Variants in GCNT2 observed in about 807,000 individuals in gnomAD.
GCNT2 encodes glucosaminyl (N-acetyl) transferase 2 (I blood group).
Under a neutral mutation model 34.2 loss-of-function variants are expected in GCNT2, and 34 were observed. That is an observed-to-expected ratio of 1.00 (90% CI 0.76 to 1.32). The LOEUF is 1.32. Ranked by LOEUF, GCNT2 falls within the 40% of genes most tolerant of loss-of-function variation. GCNT2 has a pLI of 0.00. For missense variants in GCNT2, 584 were observed against 489.4 expected (o/e 1.19, Z -1.82); for synonymous variants, 212 against 188.0 (o/e 1.13, Z -1.04).
chr6:10,586,341 T>C (rs753542288), intron 3 of GCNT2: 14 of 1,613,974 alleles, frequency 8.7e-6, no homozygotes, highest in Non-Finnish European at 1.0e-5. Flanking sequence ...TAGGGCTATC[T>C]ATATGCCCCA....
intron 3 of GCNT2, among the ~76,000 whole-genome samples, chr6:10,593,525 A>C (rs35742522): frequency 1.3e-5 from 2 of 151,944 alleles, no homozygotes; most frequent in Non-Finnish European, 1.5e-5. Flanking sequence ...TTGTGTAGAG[A>C]TGGGATCTCG....
chr6:10,586,478 CAT>C, intron 3 of GCNT2: 1 of 1,614,172 alleles, frequency 6.2e-7, no homozygotes, highest in South Asian at 1.1e-5. Flanking sequence ...TTTATGCAGG[CAT>C]TTCCAGACTC....
In GCNT2 at chr6:10,556,695, C is replaced by A. The variant is rs1762723207; in HGVS notation, c.925+26859C>A. On this transcript the variant is annotated intron_variant, in intron 3 of 4. Transcript: ENST00000495262. Reference sequence around the variant, plus strand: ...ACAGCCCCTTTATCTAAGGAAGAAGCTGACTTTCCCTTGGCATATATAATG... The same window carrying A: ...ACAGCCCCTTTATCTAAGGAAGAAGATGACTTTCCCTTGGCATATATAATG... 2.5e-6 allele frequency: 4 copies of A among 1,614,210 alleles called. No homozygotes were observed. The Admixed American group carries it at 6.7e-5, about 27-fold the overall frequency.
chr6:10,601,655 C>T (rs1301689219), intron 3 of GCNT2, among the ~76,000 whole-genome samples: 1 of 152,084 alleles, frequency 6.6e-6, no homozygotes, highest in Non-Finnish European at 1.5e-5. Context: ...AAAAGTAAAG[C>T]CCTTGGCCAG....
intron 3 of GCNT2, among the ~76,000 whole-genome samples, chr6:10,613,567 GT>G (rs1765643377): frequency 6.6e-6 from 1 of 152,160 alleles, no homozygotes; most frequent in Non-Finnish European, 1.5e-5. Context: ...TCCAATACTA[GT>G]TGTGTCCCAT....
chr6:10,608,470 T>C (rs1008470135), intron 3 of GCNT2, among the ~76,000 whole-genome samples: 19 of 152,220 alleles, frequency 1.2e-4, no homozygotes, highest in African/African-American at 4.3e-4. Context: ...GTTTGAGGGC[T>C]CCATTTCACT....
intron 3 of GCNT2, among the ~76,000 whole-genome samples, chr6:10,591,272 G>C (rs903419859): frequency 6.6e-6 from 1 of 152,210 alleles, no homozygotes; most frequent in Non-Finnish European, 1.5e-5. Context: ...ATGTGGAAGG[G>C]TCGGGAGGGG....
intron 3 of GCNT2, among the ~76,000 whole-genome samples, chr6:10,546,673 A>G (rs949650940): frequency 5.3e-5 from 8 of 152,144 alleles, no homozygotes; most frequent in African/African-American, 1.9e-4. Flanking sequence ...AAAAGAAAAG[A>G]AAATATTACT....
chr6:10,591,509 A>G (rs1022330033), intron 3 of GCNT2, among the ~76,000 whole-genome samples: 2 of 152,240 alleles, frequency 1.3e-5, no homozygotes, highest in African/African-American at 4.8e-5. Context: ...GTCTTTCCTT[A>G]GAAAATGTGG....
At chr6:10,580,721 A>G (rs1417587198) in intron 3 of GCNT2, among the ~76,000 whole-genome samples, 1 of 152,130 alleles carries the variant, frequency 6.6e-6, no homozygotes, top group Non-Finnish European at 1.5e-5. Flanking sequence ...CCCTCCCCTG[A>G]CCGGCATCTG....
At chr6:10,592,666 G>A (rs1170662257) in intron 3 of GCNT2, among the ~76,000 whole-genome samples, 1 of 152,136 alleles carries the variant, frequency 6.6e-6, no homozygotes, top group Admixed American at 6.6e-5. Flanking sequence ...TAACATTTCT[G>A]TTCGCCACCC....
At chr6:10,616,086 G>C (rs1394720819) in intron 3 of GCNT2, among the ~76,000 whole-genome samples, 2 of 151,830 alleles carry the variant, frequency 1.3e-5, no homozygotes, top group Non-Finnish European at 2.9e-5. Context: ...TCTGGAGTTT[G>C]TTCCCTCTAA....
intron 3 of GCNT2, among the ~76,000 whole-genome samples, chr6:10,611,857 A>T (rs1236884510): frequency 1.3e-5 from 2 of 152,260 alleles, no homozygotes; most frequent in Non-Finnish European, 1.5e-5. Flanking sequence ...GCAATACAAC[A>T]TTAAAGAAAG....
chr6:10,542,090 A>G (rs1762059198), intron 3 of GCNT2, among the ~76,000 whole-genome samples: 1 of 152,212 alleles, frequency 6.6e-6, no homozygotes, highest in Admixed American at 6.5e-5. Flanking sequence ...TTTCATACAA[A>G]TCCAGCAGTT....
intron 3 of GCNT2, among the ~76,000 whole-genome samples, chr6:10,535,118 A>C (rs1356700834): frequency 1.3e-5 from 2 of 152,168 alleles, no homozygotes; most frequent in African/African-American, 4.8e-5. Flanking sequence ...TGGGAGGCGG[A>C]GGTTGCAATG....
chr6:10,528,932 CTG>C lies in GCNT2; in HGVS notation c.23_24del (p.Cys8SerfsTer3). ...TGTGAATGATGGGCTCTTGGAAGCACTGTCTTTTTAGCGCGTCTCTTATCTCT... is the reference window on the plus strand; with the variant it reads ...TGTGAATGATGGGCTCTTGGAAGCACTCTTTTTAGCGCGTCTCTTATCTCT... MMGSWKH[C>X]LFSASLISAL... On this transcript the variant is annotated frameshift_variant, in exon 3 of 5. Transcript: ENST00000495262. LOFTEE classifies it high-confidence loss of function. 6.2e-7 allele frequency: 1 copy of C among 1,613,584 alleles called. No homozygotes were observed. Among genetic ancestry groups the C allele is most frequent in the Non-Finnish European group, 8.5e-7 (1 of 1,179,542 alleles).
At chr6:10,537,888 CTA>C (rs1414740838) in intron 3 of GCNT2, among the ~76,000 whole-genome samples, 2 of 151,956 alleles carry the variant, frequency 1.3e-5, no homozygotes, top group Non-Finnish European at 2.9e-5. Context: ...AAAGTGGTGT[CTA>C]TGTCATGTGA....
intron 3 of GCNT2, chr6:10,556,594 T>C (rs1372530142): frequency 2.5e-6 from 4 of 1,614,052 alleles, no homozygotes; most frequent in Admixed American, 3.3e-5. Flanking sequence ...GAAAAACACG[T>C]TTCCTGTGGA....
chr6:10,589,150 G>C (rs1176497410), intron 3 of GCNT2, among the ~76,000 whole-genome samples: 1 of 138,040 alleles, frequency 7.2e-6, no homozygotes, highest in African/African-American at 2.7e-5. Context: ...TGTGGTGTGG[G>C]TGTGTGTGCG....
Sources: gnomAD v4.1 joint callset for allele counts (sites outside exome capture counted in the v4.1 genomes callset) on GRCh38, gnomAD v4.1.1 for gene constraint, MANE v1.5 for transcripts, NCBI Gene and HGNC (gene_info 2026-07-23, HGNC 2026-07-21) for gene names.